Variants in PUDP observed in about 807,000 individuals in gnomAD.
PUDP encodes pseudouridine-5'-phosphatase.
A neutral mutation model predicts 9.4 loss-of-function variants in PUDP; 8 were observed. The ratio of observed to expected loss-of-function variants is 0.85; its 90% confidence interval spans 0.50 to 1.53. PUDP has a LOEUF of 1.53. Ranked by LOEUF, PUDP falls within the 40% of genes most tolerant of loss-of-function variation. The probability of loss-of-function intolerance (pLI) is 0.00; values close to 1 mark genes in which losing one functional copy is unlikely to be tolerated. For synonymous variants in PUDP, 99 were observed against 80.7 expected, an observed-to-expected ratio of 1.23 and a Z score of -1.22; for missense variants, 188 against 189.7, an observed-to-expected ratio of 0.99 and a Z score of 0.05.
chrX:7,045,136 T>C (rs1929968373), downstream of PUDP, among the ~76,000 whole-genome samples: 1 of 112,369 alleles, frequency 8.9e-6, no homozygotes, highest in Non-Finnish European at 1.9e-5. Context: ...GAGGGAGTTC[T>C]CATGAGAGCC....
At chrX:6,900,333 G>GC (rs1291895542) in intron 3 of PUDP, among the ~76,000 whole-genome samples, 5 of 106,669 alleles carry the variant, frequency 4.7e-5, no homozygotes, top group Non-Finnish European at 9.7e-5. Flanking sequence ...ACTTGGGGGG[G>GC]GGGGCGCTGC....
At chrX:6,932,063 C>T (rs962350904) in intron 3 of PUDP, among the ~76,000 whole-genome samples, 10 of 111,794 alleles carry the variant, frequency 8.9e-5, no homozygotes, top group Non-Finnish European at 1.7e-4. Flanking sequence ...TATAAATAAA[C>T]GCACAAATAT....
At chrX:7,115,950 G>A (rs995855785) in intron 1 of PUDP, among the ~76,000 whole-genome samples, 3 of 112,526 alleles carry the variant, frequency 2.7e-5, no homozygotes, top group Non-Finnish European at 3.8e-5. Flanking sequence ...TTACATTTGC[G>A]GGAAGACAAG....
At chrX:6,741,822 C>T (rs1383324109) in intron 3 of PUDP, among the ~76,000 whole-genome samples, 2 of 97,971 alleles carry the variant, frequency 2.0e-5, no homozygotes, top group Non-Finnish European at 4.2e-5. Context: ...CTCTCTCTCT[C>T]TCTCTCTCTT....
chrX:6,886,607 T>C (rs765811418), intron 3 of PUDP, among the ~76,000 whole-genome samples: 1 of 111,510 alleles, frequency 9.0e-6, no homozygotes, highest in Non-Finnish European at 1.9e-5. Flanking sequence ...TCTAGTGTGC[T>C]GAGTTAATAC....
intron 3 of PUDP, among the ~76,000 whole-genome samples, chrX:6,860,570 C>T (rs1441045191): frequency 9.1e-6 from 1 of 110,391 alleles, no homozygotes; most frequent in African/African-American, 3.3e-5. Context: ...CTCCCAGGCT[C>T]AAGCAATTCT....
chrX:6,869,444 G>A (rs1927139482), intron 3 of PUDP, among the ~76,000 whole-genome samples: 1 of 111,562 alleles, frequency 9.0e-6, no homozygotes, highest in South Asian at 3.8e-4. Context: ...AAAAATCTGG[G>A]CTCAGATGGG....
intron 1 of PUDP, among the ~76,000 whole-genome samples, chrX:7,002,131 A>C (rs752715377): frequency 2.3e-4 from 26 of 111,734 alleles, no homozygotes; most frequent in Non-Finnish European, 2.4e-4. Context: ...ACCACCCAAC[A>C]GAAAAAAATA....
intron 3 of PUDP, among the ~76,000 whole-genome samples, chrX:6,766,475 GT>G (rs1925286761): frequency 8.9e-6 from 1 of 111,758 alleles, no homozygotes; most frequent in Non-Finnish European, 1.9e-5. Flanking sequence ...GGGAAGTGAT[GT>G]TTTTACATTC....
intron 3 of PUDP, among the ~76,000 whole-genome samples, chrX:6,973,363 C>G (rs1303559858): frequency 5.4e-5 from 6 of 111,924 alleles, no homozygotes; most frequent in African/African-American, 9.7e-5. Flanking sequence ...AAATTTCCCT[C>G]GAAACACTGC....
At chrX:7,056,292 C>T (rs2146842152) in intron 3 of PUDP, among the ~76,000 whole-genome samples, 1 of 111,593 alleles carries the variant, frequency 9.0e-6, no homozygotes, top group South Asian at 3.8e-4. Flanking sequence ...GCCCACGGCT[C>T]CCTTCTCTTT....
At chrX:6,897,532 A>G (rs1055696066) in intron 3 of PUDP, among the ~76,000 whole-genome samples, 4 of 111,625 alleles carry the variant, frequency 3.6e-5, no homozygotes, top group African/African-American at 1.3e-4. Context: ...ATTTCAGTCC[A>G]TCATGAACTA....
intron 3 of PUDP, among the ~76,000 whole-genome samples, chrX:6,957,834 G>A (rs1454882657): frequency 8.9e-6 from 1 of 112,082 alleles, no homozygotes; most frequent in African/African-American, 3.2e-5. Context: ...TACTTAAGTG[G>A]TGGTGATCAC....
chrX:6,751,338 C>A (rs1925079738), intron 3 of PUDP, among the ~76,000 whole-genome samples: 1 of 111,225 alleles, frequency 9.0e-6, no homozygotes, highest in Non-Finnish European at 1.9e-5. Flanking sequence ...TAGATGGATT[C>A]CCTTAGGTAA....
intron 3 of PUDP, among the ~76,000 whole-genome samples, chrX:7,062,811 T>C (rs1338336763): frequency 1.8e-5 from 2 of 110,251 alleles, no homozygotes; most frequent in East Asian, 2.9e-4. Flanking sequence ...ACTCTGACCA[T>C]TGTTAAAGGC....
At chrX:7,060,020 C>T (rs1930355169) in intron 3 of PUDP, among the ~76,000 whole-genome samples, 1 of 112,060 alleles carries the variant, frequency 8.9e-6, no homozygotes, top group African/African-American at 3.2e-5. Flanking sequence ...AGCCAATGAG[C>T]TGTCTGTGTG....
intron 3 of PUDP, among the ~76,000 whole-genome samples, chrX:6,775,821 C>T (rs955650518): frequency 9.0e-6 from 1 of 111,127 alleles, no homozygotes; most frequent in African/African-American, 3.3e-5. Flanking sequence ...GCGAGAAGGC[C>T]CCGTCTATGA....
intron 3 of PUDP, among the ~76,000 whole-genome samples, chrX:6,858,046 G>A (rs1213001153): frequency 1.8e-5 from 2 of 111,752 alleles, no homozygotes; most frequent in East Asian, 5.6e-4. Context: ...TGTGATTGGA[G>A]GGTTGGGGGG....
At chrX:6,942,989 T>C (rs969900392) in intron 3 of PUDP, among the ~76,000 whole-genome samples, 1 of 112,314 alleles carries the variant, frequency 8.9e-6, no homozygotes, top group Non-Finnish European at 1.9e-5. Context: ...TCCATTGTTG[T>C]AAGCCACCTA....
Sources: allele counts gnomAD v4.1 joint callset (sites outside exome capture counted in the v4.1 genomes callset), GRCh38; gene constraint gnomAD v4.1.1; transcripts MANE v1.5; gene names NCBI Gene and HGNC (gene_info 2026-07-23, HGNC 2026-07-21).